The following CFAP92 variants were observed in gnomAD, a reference collection of about 807,000 sequenced individuals.
CFAP92 encodes uncharacterized protein CFAP92.
In CFAP92, 86 loss-of-function variants were observed where a neutral mutation model predicts 106.3. That is an observed-to-expected ratio of 0.81 (90% CI 0.68 to 0.97). The LOEUF is 0.97. Ranked by LOEUF, CFAP92 falls within the 50% of genes least tolerant of loss-of-function variation. The pLI is 0.00. For missense variants in CFAP92, 1,204 were observed against 1,283.8 expected, an observed-to-expected ratio of 0.94 and a Z score of 0.95; for synonymous variants, 477 against 506.4, an observed-to-expected ratio of 0.94 and a Z score of 0.78.
intron 15 of CFAP92, chr3:128,912,795 T>C (rs1371089423): frequency 1.4e-6 from 1 of 735,324 alleles, no homozygotes; most frequent in East Asian, 2.6e-5. Context: ...GGCAGTGCTC[T>C]CTAACAGGAC....
intron 2 of CFAP92, among the ~76,000 whole-genome samples, chr3:128,989,257 T>C (rs528741738): frequency 7.8e-4 from 117 of 149,088 alleles, no homozygotes; most frequent in African/African-American, 2.8e-3. Flanking sequence ...ATACTTGCCT[T>C]ACCCTGGTCC....
At chr3:129,001,071 G>A (rs938306793) in intron 1 of CFAP92, among the ~76,000 whole-genome samples, 1 of 152,260 alleles carries the variant, frequency 6.6e-6, no homozygotes, top group African/African-American at 2.4e-5. Context: ...GCGAGAGCAG[G>A]CTTGCCAGGC....
chr3:129,002,139 G>C (rs529712866), intron 1 of CFAP92: 4 of 1,474,706 alleles, frequency 2.7e-6, no homozygotes, highest in Middle Eastern at 2.0e-4. Context: ...CGAGCACATC[G>C]AGACGCAGAT....
At chr3:128,994,164 G>A, upstream of CFAP92, 1 of 985,528 alleles carries the variant, frequency 1.0e-6, no homozygotes, top group Non-Finnish European at 1.2e-6. Context: ...AGGGCGTGCG[G>A]CCTGGGGGCG....
At chr3:128,993,512 G>C in intron 1 of CFAP92, 176 bp from the exon 2 acceptor site, 1 of 629,606 alleles carries the variant, frequency 1.6e-6, no homozygotes, top group Non-Finnish European at 2.7e-6. Flanking sequence ...AATCGACTTA[G>C]AGAATGAATG....
chr3:128,944,208 C>T (rs756235748), intron 10 of CFAP92, among the ~76,000 whole-genome samples: 1 of 152,188 alleles, frequency 6.6e-6, no homozygotes, highest in African/African-American at 2.4e-5. Flanking sequence ...GCTGGGATTA[C>T]AGGCGTGAGC....
chr3:128,913,136 C>T (rs1369802646), intron 15 of CFAP92: 1 of 435,532 alleles, frequency 2.3e-6, no homozygotes. Context: ...ACTTGTCACA[C>T]TGTTCCTTAG....
At chr3:128,972,247 C>CTT (rs58453936) in intron 7 of CFAP92, among the ~76,000 whole-genome samples, 5,759 of 145,482 alleles carry the variant, frequency 0.04, 284 homozygotes, top group African/African-American at 0.11. Context: ...GGATTTCTTT[C>CTT]TTTTTTTTTT....
At chr3:128,972,547 T>C (rs1328043457) in intron 7 of CFAP92, among the ~76,000 whole-genome samples, 1 of 151,858 alleles carries the variant, frequency 6.6e-6, no homozygotes, top group East Asian at 1.9e-4. Flanking sequence ...TGGCCTCTTT[T>C]TTCTTTTTTT....
Position 128,945,371 on chromosome 3 carries a change from A to C in CFAP92, c.1958T>G (p.Leu653Arg), listed in dbSNP as rs1312758395. Residue 653 changes from leucine (L) to arginine (R), a missense_variant, in exon 10 of 16, where the codon CTT becomes CGT. By Grantham distance (102) the Leu-to-Arg change is moderately radical. Coordinates refer to ENST00000645291, the MANE Select transcript of CFAP92 (RefSeq NM_001394090.1). Reference protein sequence around the residue: ...RAGARAADPDLGGSQFGRIIF... With the variant: ...RAGARAADPDRGGSQFGRIIF... Reference sequence around the variant, plus strand: ...GATGCGGCCAAACTGGGAGCCCCCAAGGTCAGGATCAGCAGCTCTGGCCCC... The same window carrying C: ...GATGCGGCCAAACTGGGAGCCCCCACGGTCAGGATCAGCAGCTCTGGCCCC... 8 of 1,536,012 alleles carry C rather than the reference A, an allele frequency of 5.2e-6. No homozygotes were observed. Among genetic ancestry groups the C allele is most frequent in the Non-Finnish European group, 7.0e-6 (8 of 1,146,908 alleles).
At position 128,910,309 on chromosome 3, in the gene CFAP92, G is replaced by GGGCTGTTCC. The variant is rs1339368607; in HGVS notation, c.3296_3304dup (p.Ser1101_Pro1102insArgAsnSer). The GGGCTGTTCC allele has an allele frequency of 6.7e-7, 1 of 1,487,696 alleles. No homozygotes were observed. Among genetic ancestry groups the GGGCTGTTCC allele is most frequent in the Admixed American group, 2.2e-5 (1 of 45,488 alleles). 92.2% of individuals were successfully genotyped at this position (1,487,696 alleles called of 1,614,324 possible). The stretch of plus-strand genomic sequence containing the variant: ...GAGGGTCTGTGCTGCTCAGGAGATG[G>GGGCTGTTCC]GGCTGTTCCCTTTCTTCTTCCTGAC... On this transcript the variant is annotated inframe_insertion, in exon 16 of 16. Transcript: ENST00000645291.
chr3:128,976,917 A>G, intron 6 of CFAP92, 62 bp downstream of exon 6: 2 of 1,297,850 alleles, frequency 1.5e-6, no homozygotes, highest in Non-Finnish European at 2.2e-6. Context: ...ACCACGACTC[A>G]TAGTAGGGCT....
chr3:129,002,419 G>A, intron 1 of CFAP92: 1 of 1,425,148 alleles, frequency 7.0e-7, no homozygotes, highest in South Asian at 1.5e-5. Context: ...CAGAGTCAGA[G>A]GAAGGGGAGA....
At chr3:128,988,994 G>A (rs1353414644) in intron 2 of CFAP92, 76 bp from the exon 3 acceptor site, 1 of 1,167,178 alleles carries the variant, frequency 8.6e-7, no homozygotes, top group Non-Finnish European at 1.2e-6. Flanking sequence ...GTTCCCTGGA[G>A]CTTGATGTTG....
In CFAP92 at chr3:128,988,903, T is replaced by A; in HGVS notation, c.278A>T (p.Tyr93Phe). 1 of 1,612,966 alleles carries A rather than the reference T, an allele frequency of 6.2e-7. No homozygotes were observed. Among genetic ancestry groups the A allele is most frequent in the Non-Finnish European group, 8.5e-7 (1 of 1,179,230 alleles). ...CTTATATTTTTCAATCAAACTTGCATATTTTCCCTTCTGACCTTGAAGATA... is the reference window on the plus strand; with the variant it reads ...CTTATATTTTTCAATCAAACTTGCAAATTTTCCCTTCTGACCTTGAAGATA... ...FPVNMGQKGK[Y>F]ASLIEKYKKH... The change falls in exon 3 of 16, where the codon TAT becomes TTT. Residue 93 changes from tyrosine to phenylalanine, a missense_variant. Tyr to Phe is a conservative substitution (Grantham distance 22). Transcript: ENST00000645291.
chr3:128,981,858 A>G (rs1378687046), intron 4 of CFAP92, among the ~76,000 whole-genome samples: 1 of 152,196 alleles, frequency 6.6e-6, no homozygotes, highest in East Asian at 1.9e-4. Flanking sequence ...GTCATATTAG[A>G]AAGGAGTCTT....
intron 12 of CFAP92, among the ~76,000 whole-genome samples, chr3:128,930,567 A>G (rs1455371452): frequency 6.6e-6 from 1 of 151,910 alleles, no homozygotes; most frequent in Non-Finnish European, 1.5e-5. Context: ...CCTGGGCAAC[A>G]TGGCGAAACC....
intron 1 of CFAP92, chr3:129,001,814 C>T (rs1469660785): frequency 6.5e-7 from 1 of 1,545,502 alleles, no homozygotes; most frequent in Non-Finnish European, 8.7e-7. Context: ...TGCAGGAGGT[C>T]TTCCACCACC....
chr3:128,958,907 A>T (rs958049339), intron 9 of CFAP92, among the ~76,000 whole-genome samples: 26 of 151,920 alleles, frequency 1.7e-4, no homozygotes, highest in South Asian at 2.1e-4. Context: ...TCTCAAAAAA[A>T]TTTTTTTAAA....
Sources: gnomAD v4.1 joint callset for allele counts (sites outside exome capture counted in the v4.1 genomes callset) on GRCh38, gnomAD v4.1.1 for gene constraint, MANE v1.5 for transcripts, NCBI Gene and HGNC (gene_info 2026-07-23, HGNC 2026-07-21) for gene names.